Variants in ITGA4 observed in about 807,000 individuals in gnomAD.
ITGA4 encodes the protein integrin subunit alpha 4, also known as integrin alpha-4.
In ITGA4, 63 loss-of-function variants were observed where a neutral mutation model predicts 133.6. The ratio of observed to expected loss-of-function variants is 0.47; its 90% CI spans 0.38 to 0.58. ITGA4 has a LOEUF of 0.58. ITGA4 is among the 20% of genes least tolerant of loss of function. The pLI, the probability that ITGA4 is intolerant of heterozygous loss-of-function variation, is 0.00. For synonymous variants in ITGA4, 483 were observed against 438.0 expected, an observed-to-expected ratio of 1.10 and a Z score of -1.28; for missense variants, 1,076 against 1,252.7, an observed-to-expected ratio of 0.86 and a Z score of 2.13.
chr2:181,507,413 T>G (rs1686415533), intron 15 of ITGA4, among the ~76,000 whole-genome samples: 1 of 152,110 alleles, frequency 6.6e-6, no homozygotes, highest in South Asian at 2.1e-4. Flanking sequence ...TAGCTTACCC[T>G]TTTAGATAAG....
rs371999410 is a variant in ITGA4, at chr2:181,529,253, A to T, written c.2431-288A>T. 1.3e-4 allele frequency among the ~76,000 whole-genome samples: 9 copies of T among 69,396 alleles called. No homozygotes were observed. Among genetic ancestry groups the T allele is most frequent in the Middle Eastern group, 0.01 (1 of 98 alleles). The allele number at this position is 69,396 out of a possible 152,430, so 45.5% of individuals were successfully genotyped here. A position where few individuals can be genotyped will look rare whatever the true frequency, so the allele number is the denominator to read the frequency against. ...TGTAACATACAAATATATATTGTTTATGTCTCCTAAGACTGTTTCTCCAAT... is the reference window on the plus strand; with the variant it reads ...TGTAACATACAAATATATATTGTTTTTGTCTCCTAAGACTGTTTCTCCAAT... On this transcript the variant is annotated intron_variant, in intron 22 of 27. Coordinates refer to ENST00000397033, the MANE Select transcript of ITGA4 (RefSeq NM_000885.6).
Position 181,509,779 on chromosome 2 carries a change from A to G in ITGA4, c.1817A>G (p.Lys606Arg). Residue 606 changes from lysine to arginine, a missense_variant, in exon 16 of 28, where the codon AAG becomes AGG. This residue lies in a region of ITGA4 where 365 missense variants were observed against 421.4 expected (regional missense o/e 0.87). Coordinates refer to ENST00000397033, the MANE Select transcript of ITGA4 (RefSeq NM_000885.6). ...FPPLQPILQQ[K>R]KEKDIMKKTI... ...CCACTTCAGCCAATTCTTCAGCAGA[A>G]GAAAGAAAAAGACATAATGAAAAAA... is the stretch of plus-strand genomic sequence containing the variant. The G allele has an allele frequency of 6.2e-7, 1 of 1,609,678 alleles. No individual in the cohort carries two copies. The highest frequency in any genetic ancestry group is 8.5e-7 in the Non-Finnish European group (1 of 1,177,676).
chr2:181,485,659 A>G (rs960962808), intron 9 of ITGA4, among the ~76,000 whole-genome samples: 2 of 152,198 alleles, frequency 1.3e-5, no homozygotes, highest in African/African-American at 4.8e-5. Flanking sequence ...CATGAGTTTG[A>G]CAATTTTTTA....
intron 10 of ITGA4, among the ~76,000 whole-genome samples, chr2:181,490,618 C>G (rs1272443416): frequency 6.6e-6 from 1 of 151,698 alleles, no homozygotes; most frequent in Non-Finnish European, 1.5e-5. Context: ...GTTAATGAGT[C>G]TATAGAGCAT....
chr2:181,515,025 C>A (rs553377165), intron 17 of ITGA4, among the ~76,000 whole-genome samples: 1 of 152,118 alleles, frequency 6.6e-6, no homozygotes, highest in Non-Finnish European at 1.5e-5. Context: ...ATGAGAATCA[C>A]CTGGATGCTT....
intron 2 of ITGA4, among the ~76,000 whole-genome samples, chr2:181,466,547 A>G (rs1685421755): frequency 6.6e-6 from 1 of 152,202 alleles, no homozygotes; most frequent in South Asian, 2.1e-4. Flanking sequence ...TGGTACTTTT[A>G]TGTCCTGTAT....
intron 15 of ITGA4, among the ~76,000 whole-genome samples, chr2:181,500,145 T>TG (rs1192510217): frequency 6.6e-6 from 1 of 152,196 alleles, no homozygotes; most frequent in Non-Finnish European, 1.5e-5. Context: ...GGATTGTACA[T>TG]GGCAGGGACT....
chr2:181,498,681 C>A lies in ITGA4; in HGVS notation c.1599C>A (p.Phe533Leu), dbSNP rs745706446. 14 of 1,612,318 alleles carry A rather than the reference C, an allele frequency of 8.7e-6. No homozygotes were observed. Among genetic ancestry groups the A allele is most frequent in the Non-Finnish European group, 1.2e-5 (14 of 1,178,714 alleles). ...GAAAGGCAGAGTCTCCACCAAGATT[C>A]TATTTCTCTTCTAATGGAACTTCTG... is the stretch of plus-strand genomic sequence containing the variant. ...VNRKAESPPR[F>L]YFSSNGTSDV... The change falls in exon 15 of 28, where the codon TTC (phenylalanine) becomes TTA (leucine). Residue 533 changes from phenylalanine to leucine, a missense_variant. This residue lies in a region of ITGA4 where 365 missense variants were observed against 421.4 expected (regional missense o/e 0.87). Transcript: ENST00000397033.
chr2:181,467,251 G>C (rs1372299193), intron 2 of ITGA4, among the ~76,000 whole-genome samples: 1 of 152,028 alleles, frequency 6.6e-6, no homozygotes, highest in Non-Finnish European at 1.5e-5. Flanking sequence ...TTGGTGGAAG[G>C]TAAGGGCTTT....
At chr2:181,527,226 T>C (rs1440241191) in intron 21 of ITGA4, 71 bp from the exon 22 acceptor site, 3 of 885,716 alleles carry the variant, frequency 3.4e-6, no homozygotes, top group Non-Finnish European at 5.5e-6. Context: ...TAATCCAGAC[T>C]ATAGAAAAAG....
At chr2:181,511,160 T>G (rs556307524) in intron 16 of ITGA4, among the ~76,000 whole-genome samples, 2 of 152,070 alleles carry the variant, frequency 1.3e-5, no homozygotes, top group South Asian at 4.2e-4. Context: ...TTTGTAGTAT[T>G]TATTGATCTT....
In ITGA4 at chr2:181,495,985, A is replaced by G; in HGVS notation, c.1540+48A>G. 1.3e-6 allele frequency: 2 copies of G among 1,581,456 alleles called. No homozygotes were observed. The highest frequency in any genetic ancestry group is 1.7e-6 in the Non-Finnish European group (2 of 1,156,446). On this transcript the variant is annotated intron_variant, in intron 14 of 27. Coordinates refer to ENST00000397033, the MANE Select transcript of ITGA4 (RefSeq NM_000885.6). This position sits in a 1 kb window ranked among gnomAD's most constrained non-coding sequence, Gnocchi z 4.3. ...ATGCTTGATGGGGTGCGGTTCATTC[A>G]TTAATCCCACAATCCTGCTTGGAGC...
At chr2:181,471,720 A>G (rs1446091885) in intron 2 of ITGA4, among the ~76,000 whole-genome samples, 1 of 152,154 alleles carries the variant, frequency 6.6e-6, no homozygotes, top group East Asian at 1.9e-4. Flanking sequence ...CACACCTGCC[A>G]TATGTTTTTC....
chr2:181,470,170 A>C (rs979117737), intron 2 of ITGA4, among the ~76,000 whole-genome samples: 1 of 152,158 alleles, frequency 6.6e-6, no homozygotes, highest in South Asian at 2.1e-4. Context: ...AATAGTATGG[A>C]GATTCCTCAA....
intron 15 of ITGA4, 191 bp downstream of exon 15, chr2:181,498,968 A>G (rs1188895447): frequency 7.6e-5 from 57 of 748,196 alleles, no homozygotes; most frequent in Middle Eastern, 6.6e-4. Context: ...CTCTTATTGT[A>G]TCATCCTTTT....
At chr2:181,501,128 G>A (rs1363424096) in intron 15 of ITGA4, among the ~76,000 whole-genome samples, 1 of 152,132 alleles carries the variant, frequency 6.6e-6, no homozygotes, top group African/African-American at 2.4e-5. Flanking sequence ...AACACCTGTA[G>A]GGCTTCTGAA....
At chr2:181,470,841 C>T (rs1488370573) in intron 2 of ITGA4, among the ~76,000 whole-genome samples, 1 of 152,110 alleles carries the variant, frequency 6.6e-6, no homozygotes, top group Non-Finnish European at 1.5e-5. Context: ...CGCCAATGCA[C>T]TGCAGCCTAG....
chr2:181,457,869 G>T lies in ITGA4; in HGVS notation c.197+18G>T. On this transcript the variant is annotated intron_variant, in intron 1 of 27. Coordinates refer to ENST00000397033, the MANE Select transcript of ITGA4 (RefSeq NM_000885.6). ...AACCGATGGTGAGTAGAGTTGGACTGATGCGCCCTCAGCAGCTCAGAGCGG... is the reference window on the plus strand; with the variant it reads ...AACCGATGGTGAGTAGAGTTGGACTTATGCGCCCTCAGCAGCTCAGAGCGG... 1 of 1,597,438 alleles carries T rather than the reference G, an allele frequency of 6.3e-7. No individual in the cohort carries two copies. Among genetic ancestry groups the T allele is most frequent in the Non-Finnish European group, 8.5e-7 (1 of 1,169,640 alleles).
intron 23 of ITGA4, among the ~76,000 whole-genome samples, chr2:181,530,141 G>GTT (rs919566371): frequency 2.0e-5 from 3 of 152,176 alleles, no homozygotes; most frequent in African/African-American, 7.2e-5. Flanking sequence ...TACTAAATAG[G>GTT]TTTGAGGTCT....
Sources: gnomAD v4.1 joint callset for allele counts (sites outside exome capture counted in the v4.1 genomes callset) on GRCh38, gnomAD v4.1.1 for gene constraint, gnomAD v4.1.1 regional missense constraint, Gnocchi (gnomAD v3.1) non-coding constraint, MANE v1.5 for transcripts, NCBI Gene and HGNC (gene_info 2026-07-23, HGNC 2026-07-21) for gene names.